The following KRT86 variants were observed in gnomAD, a reference collection of about 807,000 sequenced individuals.
The protein encoded by KRT86 is keratin 86.
Under a neutral mutation model 41.2 loss-of-function variants are expected in KRT86, and 30 were observed. The ratio of observed to expected loss-of-function variants is 0.73; its 90% CI spans 0.54 to 0.99. The LOEUF (loss-of-function observed/expected upper bound fraction) is 0.99, where lower values mean the gene tolerates loss of function less well. Ranked by LOEUF, KRT86 falls within the 50% of genes least tolerant of loss-of-function variation. The pLI, the probability that KRT86 is intolerant of heterozygous loss-of-function variation, is 0.00. For missense variants in KRT86, 561 were observed against 571.4 expected (o/e 0.98, Z 0.19); for synonymous variants, 238 against 238.1 (o/e 1.00, Z 0.00).
In KRT86 at chr12:52,304,957, A is replaced by T. The variant is rs772288102; in HGVS notation, c.665A>T (p.Lys222Ile). Residue 222 changes from lysine (K) to isoleucine (I), a missense_variant, in exon 6 of 11, where the codon AAA becomes ATA. Lys to Ile is a moderately radical substitution (Grantham distance 102). Transcript: ENST00000423955. ...GATGTGGACTGCGCCTACCTCCGCA[A>T]ATCAGACCTGGAGGCCAATGTGGAG... ...KKDVDCAYLR[K>I]SDLEANVEAL... The T allele has an allele frequency of 3.7e-6, 6 of 1,614,146 alleles. No homozygotes were observed. The highest frequency in any genetic ancestry group is 8.5e-7 in the Non-Finnish European group (1 of 1,180,016).
chr12:52,287,360 C>T (rs2121235024), intron 2 of KRT86: 1 of 1,610,968 alleles, frequency 6.2e-7, no homozygotes, highest in Non-Finnish European at 8.5e-7. Context: ...ATTAGAGTCC[C>T]TGGGTCTCTC....
chr12:52,297,185 G>A (rs1032073266), intron 2 of KRT86, among the ~76,000 whole-genome samples: 1 of 152,174 alleles, frequency 6.6e-6, no homozygotes, highest in African/African-American at 2.4e-5. Flanking sequence ...AGCCTTTCTT[G>A]CCTTTCCCAT....
chr12:52,279,190 C>G (rs1244838118), intron 2 of KRT86: 1 of 152,286 alleles, frequency 6.6e-6, no homozygotes, highest in Non-Finnish European at 1.5e-5. Flanking sequence ...CGGCTGTGTC[C>G]GTGGGCTTTA....
intron 10 of KRT86, 39 bp from the exon 11 acceptor site, chr12:52,308,365 G>C: frequency 6.2e-7 from 1 of 1,611,362 alleles, no homozygotes; most frequent in African/African-American, 1.3e-5. Flanking sequence ...CCAGGTCGCG[G>C]CTGCGCCTGA....
chr12:52,280,874 G>A (rs1461515879), intron 2 of KRT86, among the ~76,000 whole-genome samples: 3 of 152,132 alleles, frequency 2.0e-5, no homozygotes, highest in African/African-American at 7.2e-5. Flanking sequence ...GTCAACAAGG[G>A]AACTTTGTGG....
chr12:52,291,386 A>C (rs1159046715), intron 2 of KRT86: 1 of 1,607,660 alleles, frequency 6.2e-7, no homozygotes, highest in Admixed American at 1.7e-5. Context: ...GGCGGCGGTG[A>C]TGCAGCAGCG....
intron 2 of KRT86, among the ~76,000 whole-genome samples, chr12:52,300,199 C>T (rs987432738): frequency 2.0e-5 from 3 of 152,178 alleles, no homozygotes; most frequent in African/African-American, 7.2e-5. Context: ...TGAGTATGCA[C>T]ATACATATAC....
In KRT86 at chr12:52,308,661, G is replaced by A; in HGVS notation, c.*76G>A. ...GTACCTCGCGCCACCAGAACGCGCC[G>A]CCCGCGCCGGCCTCCCAATAGCCGC... On this transcript the variant is annotated 3_prime_UTR_variant, in exon 11 of 11. Transcript: ENST00000423955. 3 of 1,420,742 alleles carry A rather than the reference G, an allele frequency of 2.1e-6. No homozygotes were observed. Among genetic ancestry groups the A allele is most frequent in the South Asian group, 2.4e-5 (2 of 83,662 alleles). 88.0% of individuals were successfully genotyped at this position (1,420,742 alleles called of 1,614,324 possible). A position where few individuals can be genotyped will look rare whatever the true frequency, so the allele number is the denominator to read the frequency against.
intron 2 of KRT86, chr12:52,286,927 A>G: frequency 6.5e-7 from 1 of 1,530,504 alleles, no homozygotes; most frequent in Non-Finnish European, 9.0e-7. Context: ...TTAAGAACAG[A>G]GTCTGAGGGA....
intron 2 of KRT86, chr12:52,288,364 C>T: frequency 6.2e-7 from 1 of 1,614,098 alleles, no homozygotes; most frequent in Non-Finnish European, 8.5e-7. Flanking sequence ...CCCGCACCTC[C>T]TCATACAGCC....
rs114798119 is a variant in KRT86 at position 52,291,585 on chromosome 12, T to G, written c.-4-10328T>G. The G allele has an allele frequency of 2.8e-3, 4,084 of 1,469,444 alleles. 81 individuals are homozygous for G. In the African/African-American group the frequency reaches 0.048, roughly 17 times the overall value. 91.0% of individuals were successfully genotyped at this position (1,469,444 alleles called of 1,614,324 possible). A position where few individuals can be genotyped will look rare whatever the true frequency, so the allele number is the denominator to read the frequency against. On this transcript the variant is annotated intron_variant, in intron 2 of 10. Transcript: ENST00000423955. ...TTTATGCGCAGATTCTGAAGGGGCT[T>G]GGCTGTGAAGATGATGTTGGGGCAA... is the stretch of plus-strand genomic sequence containing the variant.
intron 2 of KRT86, chr12:52,288,084 C>T (rs542019661): frequency 1.7e-5 from 27 of 1,614,176 alleles, no homozygotes; most frequent in Admixed American, 5.0e-5. Flanking sequence ...GTTCAGGTCC[C>T]GGCTGTTGTC....
intron 2 of KRT86, among the ~76,000 whole-genome samples, chr12:52,280,273 T>C (rs914394607): frequency 6.6e-6 from 1 of 152,170 alleles, no homozygotes; most frequent in Non-Finnish European, 1.5e-5. Flanking sequence ...TCCGAGTTTT[T>C]ACAAGGCATT....
At position 52,301,947 on chromosome 12, in the gene KRT86, G is replaced by A. The variant is rs1169609517; in HGVS notation, c.31G>A (p.Ala11Thr). ...TTGTGGATCTTACTGTGGTGGCCGC[G>A]CCTTCAGCTGCATCTCGGCCTGCGG... MTCGSYCGGR[A>T]FSCISACGPR... Residue 11 changes from alanine (A) to threonine (T), a missense_variant, in exon 3 of 11, where the codon GCC becomes ACC. Around this residue, in one of 3 missense-constraint regions of KRT86, gnomAD observed 164 missense variants for 172.5 expected, o/e 0.95. Transcript: ENST00000423955. The A allele has an allele frequency of 1.2e-6, 2 of 1,613,628 alleles. No homozygotes were observed. The highest frequency in any genetic ancestry group is 2.7e-5 in the African/African-American group (2 of 74,914).
At chr12:52,306,355 G>A in intron 9 of KRT86, 75 bp downstream of exon 9, 14 of 1,607,318 alleles carry the variant, frequency 8.7e-6, no homozygotes, top group Non-Finnish European at 1.2e-5. Flanking sequence ...ACTCCTGGCA[G>A]CATTTAAGTT....
intron 2 of KRT86, chr12:52,287,133 A>G (rs1937970440): frequency 1.9e-6 from 3 of 1,613,316 alleles, no homozygotes; most frequent in Non-Finnish European, 2.5e-6. Flanking sequence ...AGGCGCCTGT[A>G]GGTGGCGATC....
Position 52,308,253 on chromosome 12 carries a change from C to G in KRT86, c.1268C>G (p.Ser423Trp), listed in dbSNP as rs562353539. The change falls in exon 10 of 11, where the codon TCG becomes TGG. Residue 423 changes from serine (S) to tryptophan (W), a missense_variant. Coordinates refer to ENST00000423955, the MANE Select transcript of KRT86 (RefSeq NM_001320198.2). The part of the protein sequence containing the change: ...EEQRLCEGVG[S>W]VNVCVSSSRG... Reference sequence around the variant, plus strand: ...TGCAGGCTGTGCGAGGGCGTCGGCTCGGTGAATGTCTGTAAGTAGTGGGGT... The same window carrying G: ...TGCAGGCTGTGCGAGGGCGTCGGCTGGGTGAATGTCTGTAAGTAGTGGGGT... 1 of 1,614,206 alleles carries G rather than the reference C, an allele frequency of 6.2e-7. No individual in the cohort carries two copies. Among genetic ancestry groups the G allele is most frequent in the South Asian group, 1.1e-5 (1 of 91,088 alleles).
rs190901560 is a variant in KRT86 at position 52,300,479 on chromosome 12, C to T, written c.-4-1434C>T. Among the ~76,000 whole-genome samples the T allele has an allele frequency of 5.9e-3, 905 of 152,306 alleles. 7 individuals are homozygous for T. The highest frequency in any genetic ancestry group is 8.9e-3 in the Non-Finnish European group (608 of 68,028). On this transcript the variant is annotated intron_variant, in intron 2 of 10. Transcript: ENST00000423955. The stretch of plus-strand genomic sequence containing the variant: ...TGAGCATGTACACATTTCTGTAACT[C>T]TAAGGCAGTAGTAGGAGGGAAAGCC...
chr12:52,291,368 C>G, intron 2 of KRT86: 2 of 1,601,118 alleles, frequency 1.2e-6, no homozygotes. Context: ...GGAGATGCCA[C>G]GGTAGGGGGC....
Sources: allele counts gnomAD v4.1 joint callset (sites outside exome capture counted in the v4.1 genomes callset), GRCh38; gene constraint gnomAD v4.1.1; regional missense constraint gnomAD v4.1.1; transcripts MANE v1.5; gene names NCBI Gene and HGNC (gene_info 2026-07-23, HGNC 2026-07-21).